ZPBP: variants seen among roughly 807,000 people sequenced by gnomAD.
ZPBP encodes the protein zona pellucida-binding protein 1.
ZPBP carries 26 observed loss-of-function variants against 44.8 expected under a neutral mutation model. That is an observed-to-expected ratio of 0.58 (90% CI 0.43 to 0.81). The LOEUF is 0.81. Among genes scored for constraint, ZPBP ranks in the 30% least tolerant of loss-of-function variants. The pLI is 0.00. For synonymous variants in ZPBP, 174 were observed against 153.2 expected, an observed-to-expected ratio of 1.14 and a Z score of -1.00; for missense variants, 409 against 434.0, an observed-to-expected ratio of 0.94 and a Z score of 0.51.
chr7:50,069,739 T>A (rs796448571), intron 3 of ZPBP, among the ~76,000 whole-genome samples: 5 of 152,054 alleles, frequency 3.3e-5, no homozygotes, highest in African/African-American at 1.2e-4. Flanking sequence ...GCACTTTCAC[T>A]CTCACTTTCA....
chr7:50,089,512 G>GA lies in ZPBP; in HGVS notation c.208+116dup, dbSNP rs879425310. 136 of 771,074 alleles carry GA rather than the reference G, an allele frequency of 1.8e-4. No individual in the cohort carries two copies. The Admixed American group carries it at 3.4e-3, about 19-fold the overall frequency. The allele number at this position is 771,074 out of a possible 1,614,324, so 47.8% of individuals were successfully genotyped here. Reference sequence around the variant, plus strand: ...CAACTTTAATCCACTTCTGTAGAAAGAAAAGGGCCTTAGGAGACTAGGATA... The same window carrying GA: ...CAACTTTAATCCACTTCTGTAGAAAGAAAAAGGGCCTTAGGAGACTAGGATA... On this transcript the variant is annotated intron_variant, in intron 2 of 7. Coordinates refer to ENST00000046087, the MANE Select transcript of ZPBP (RefSeq NM_007009.3).
intron 2 of ZPBP, among the ~76,000 whole-genome samples, chr7:49,860,284 T>C (rs901544833): frequency 1.3e-5 from 2 of 152,210 alleles, no homozygotes; most frequent in Admixed American, 1.3e-4. Flanking sequence ...CATGGTAAAT[T>C]TGAATCTAAT....
At chr7:49,983,928 AT>A (rs1179322023) in intron 6 of ZPBP, among the ~76,000 whole-genome samples, 13 of 141,876 alleles carry the variant, frequency 9.2e-5, no homozygotes, top group African/African-American at 3.7e-4. Context: ...GAAAAATTTA[AT>A]TTAAAAACAA....
chr7:49,970,026 AT>A (rs34281658), intron 7 of ZPBP, among the ~76,000 whole-genome samples: 122,414 of 151,848 alleles, frequency 0.81, 49,514 homozygotes, highest in East Asian at 0.92. Context: ...CTCCCAGCTA[AT>A]TTTTTGTATC....
chr7:49,870,263 G>C (rs1276234946), intron 2 of ZPBP, among the ~76,000 whole-genome samples: 1 of 152,140 alleles, frequency 6.6e-6, no homozygotes, highest in African/African-American at 2.4e-5. Context: ...AGCTGGGCAT[G>C]GTGGCGGGCG....
intron 1 of ZPBP, among the ~76,000 whole-genome samples, chr7:49,929,363 G>C (rs1183642527): frequency 6.6e-6 from 1 of 152,184 alleles, no homozygotes; most frequent in Admixed American, 6.5e-5. Flanking sequence ...CAGCAAAAGA[G>C]AACTGTCCTG....
At chr7:50,069,263 T>G (rs1205392966) in intron 3 of ZPBP, among the ~76,000 whole-genome samples, 2 of 152,084 alleles carry the variant, frequency 1.3e-5, no homozygotes, top group Non-Finnish European at 2.9e-5. Context: ...GCAAAACTGG[T>G]TTTTCTGCCT....
intron 2 of ZPBP, among the ~76,000 whole-genome samples, chr7:49,879,527 G>A (rs145239282): frequency 3.9e-5 from 6 of 152,228 alleles, no homozygotes; most frequent in African/African-American, 1.4e-4. Flanking sequence ...CAAGTTGAGC[G>A]TTAGTCCATG....
chr7:49,889,771 TG>T (rs1457810438), intron 2 of ZPBP, among the ~76,000 whole-genome samples: 2 of 152,208 alleles, frequency 1.3e-5, no homozygotes, highest in African/African-American at 4.8e-5. Flanking sequence ...TAACATATTT[TG>T]AATATATTCT....
At chr7:50,058,250 A>G (rs1220718615) in intron 3 of ZPBP, 109 bp from the exon 4 acceptor site, 2 of 1,176,422 alleles carry the variant, frequency 1.7e-6, no homozygotes, top group African/African-American at 3.0e-5. Context: ...AGTCAATGAA[A>G]GGAGTGGGGG....
intron 5 of ZPBP, among the ~76,000 whole-genome samples, chr7:50,025,030 A>T (rs1322439217): frequency 6.6e-6 from 1 of 151,924 alleles, no homozygotes; most frequent in Non-Finnish European, 1.5e-5. Context: ...AAACAACTGT[A>T]ATTTGAAAAC....
chr7:50,078,828 T>C (rs2128849796), intron 3 of ZPBP, among the ~76,000 whole-genome samples: 1 of 151,662 alleles, frequency 6.6e-6, no homozygotes, highest in South Asian at 2.1e-4. Flanking sequence ...TGAAGTCTAA[T>C]AACCAGAATC....
rs761079337 is a variant in ZPBP, at chr7:49,983,392, G to A, written c.911C>T (p.Pro304Leu). Residue 304 changes from proline (P) to leucine (L), a missense_variant, in exon 7 of 8, where the codon CCA (proline) becomes CTA (leucine). Physicochemically the swap from Pro to Leu is moderately conservative, Grantham distance 98 (BLOSUM62 -3). Coordinates refer to ENST00000046087, the MANE Select transcript of ZPBP (RefSeq NM_007009.3). ...LQMVWINRCF[P>L]GYGMNVQQHP... ...TTGCTGGACATTCATTCCATATCCT[G>A]GAAAGCAGCGATTAATCCAAACCAT... The A allele has an allele frequency of 6.2e-7, 1 of 1,613,246 alleles. No individual in the cohort carries two copies. The highest frequency in any genetic ancestry group is 8.5e-7 in the Non-Finnish European group (1 of 1,179,588).
At chr7:50,044,336 T>C (rs1182580668) in intron 4 of ZPBP, among the ~76,000 whole-genome samples, 1 of 151,854 alleles carries the variant, frequency 6.6e-6, no homozygotes, top group South Asian at 2.1e-4. Flanking sequence ...CTAAAGGAGA[T>C]ACAAACATGA....
chr7:49,875,173 T>C (rs1267692447), intron 2 of ZPBP, among the ~76,000 whole-genome samples: 2 of 151,006 alleles, frequency 1.3e-5, no homozygotes, highest in African/African-American at 2.4e-5. Flanking sequence ...AGTTCGAGAC[T>C]AGCCTGGCCA....
intron 7 of ZPBP, among the ~76,000 whole-genome samples, chr7:49,980,689 G>C (rs758166111): frequency 6.6e-6 from 1 of 151,794 alleles, no homozygotes; most frequent in Non-Finnish European, 1.5e-5. Flanking sequence ...ATTAGAACTC[G>C]GTCACCCCGA....
At chr7:49,874,686 A>C (rs964695596) in intron 2 of ZPBP, among the ~76,000 whole-genome samples, 2 of 152,172 alleles carry the variant, frequency 1.3e-5, no homozygotes, top group Non-Finnish European at 1.5e-5. Context: ...AAATTGCTGT[A>C]ACCTTTACTT....
chr7:50,054,437 T>A (rs1378200827), intron 4 of ZPBP, among the ~76,000 whole-genome samples: 1 of 152,126 alleles, frequency 6.6e-6, no homozygotes, highest in Non-Finnish European at 1.5e-5. Context: ...AAAGGCAATC[T>A]ACTGAATAAT....
intron 2 of ZPBP, among the ~76,000 whole-genome samples, chr7:49,897,473 A>G (rs1283108194): frequency 6.6e-6 from 1 of 152,240 alleles, no homozygotes; most frequent in Non-Finnish European, 1.5e-5. Flanking sequence ...CAGATATGCC[A>G]AAGTTGGCTT....
Sources: gnomAD v4.1 joint callset for allele counts (sites outside exome capture counted in the v4.1 genomes callset) on GRCh38, gnomAD v4.1.1 for gene constraint, MANE v1.5 for transcripts, NCBI Gene and HGNC (gene_info 2026-07-23, HGNC 2026-07-21) for gene names.